Variants in RABGAP1 observed in about 807,000 individuals in gnomAD.
The protein encoded by RABGAP1 is rab GTPase-activating protein 1.
A neutral mutation model predicts 137.6 loss-of-function variants in RABGAP1; 23 were observed. That is an observed-to-expected ratio of 0.17 (90% CI 0.12 to 0.24). The LOEUF (loss-of-function observed/expected upper bound fraction) is 0.24. Ranked by LOEUF, RABGAP1 falls within the 10% of genes least tolerant of loss-of-function variation. RABGAP1 has a pLI of 1.00. For synonymous variants in RABGAP1, 451 were observed against 450.7 expected (o/e 1.00, Z -0.01); for missense variants, 906 against 1,275.8 (o/e 0.71, Z 4.42).
intron 12 of RABGAP1, among the ~76,000 whole-genome samples, chr9:123,016,137 G>A (rs2031209182): frequency 1.3e-5 from 2 of 152,098 alleles, no homozygotes; most frequent in Admixed American, 1.3e-4. Context: ...CAAATTTTAG[G>A]AATTTCTCAT....
chr9:122,940,887 C>T (rs1177983816), upstream of RABGAP1: 1 of 152,398 alleles, frequency 6.6e-6, no homozygotes, highest in African/African-American at 2.4e-5. Flanking sequence ...GAAGCTCCGC[C>T]TCGCTTCCCG....
intron 9 of RABGAP1, among the ~76,000 whole-genome samples, chr9:122,998,091 A>T (rs1837130439): frequency 6.6e-6 from 1 of 151,148 alleles, no homozygotes; most frequent in Non-Finnish European, 1.5e-5. Context: ...TATTTTTTTT[A>T]TTTTATTTAT....
chr9:123,034,851 A>T lies in RABGAP1; in HGVS notation c.1794+14392A>T, dbSNP rs755301688. 3 of 1,614,006 alleles carry T rather than the reference A, an allele frequency of 1.9e-6. No homozygotes were observed. In the South Asian group the frequency reaches 3.3e-5, roughly 18 times the overall value. ...TATCACTCCTCCATCACCCCCTTCCAGTAGAGGAGTCCTTGACTTGCCAGA... is the reference window on the plus strand; with the variant it reads ...TATCACTCCTCCATCACCCCCTTCCTGTAGAGGAGTCCTTGACTTGCCAGA... On this transcript the variant is annotated intron_variant, in intron 13 of 25. Coordinates refer to ENST00000373647, the MANE Select transcript of RABGAP1 (RefSeq NM_012197.4).
rs150100859 is a variant in RABGAP1 at position 123,098,773 on chromosome 9, G to T, written c.2792G>T (p.Ser931Ile). Residue 931 changes from serine to isoleucine, a missense_variant, in exon 23 of 26, where the codon AGT becomes ATT. Physicochemically the swap from Ser to Ile is moderately radical, Grantham distance 142. Transcript: ENST00000373647. ...GCAGAATCTGAGATTAAAAAAAACA[G>T]TTCTATCATTGGTGACTATAAGCAG... ...DKAESEIKKNSSIIGDYKQIC... is the reference protein window; with the variant it reads ...DKAESEIKKNISIIGDYKQIC... The T allele has an allele frequency of 1.2e-6, 2 of 1,613,722 alleles. No homozygotes were observed. The highest frequency in any genetic ancestry group is 1.6e-4 in the Middle Eastern group (1 of 6,084).
intron 13 of RABGAP1, among the ~76,000 whole-genome samples, chr9:123,027,546 C>A (rs2032049087): frequency 6.6e-6 from 1 of 152,138 alleles, no homozygotes. Context: ...TAATTAACAA[C>A]TTCTGTCTGG....
chr9:122,999,412 G>A (rs1167686679), intron 10 of RABGAP1, among the ~76,000 whole-genome samples: 3 of 151,650 alleles, frequency 2.0e-5, no homozygotes, highest in Non-Finnish European at 4.4e-5. Context: ...GCTGGTCTCG[G>A]ACTCCTCACC....
intron 10 of RABGAP1, among the ~76,000 whole-genome samples, chr9:123,008,758 A>T (rs1413595715): frequency 1.3e-5 from 2 of 152,122 alleles, no homozygotes; most frequent in African/African-American, 4.8e-5. Flanking sequence ...TGAGAGAACC[A>T]GAAAGGTAGC....
intron 11 of RABGAP1, among the ~76,000 whole-genome samples, chr9:123,012,491 A>C (rs545283373): frequency 1.4e-4 from 22 of 152,364 alleles, no homozygotes; most frequent in Non-Finnish European, 2.6e-4. Flanking sequence ...TCTGGGCCCG[A>C]CTAAAGGTTC....
chr9:123,036,035 A>G (rs2032639250), intron 13 of RABGAP1, among the ~76,000 whole-genome samples: 1 of 152,202 alleles, frequency 6.6e-6, no homozygotes, highest in African/African-American at 2.4e-5. Flanking sequence ...TGGGCTTCAT[A>G]TGCAATTGAT....
intron 2 of RABGAP1, among the ~76,000 whole-genome samples, chr9:122,979,416 A>G (rs900198273): frequency 1.3e-5 from 2 of 152,158 alleles, no homozygotes; most frequent in African/African-American, 4.8e-5. Context: ...TGTTTTCTCC[A>G]GGTCTGGCTT....
chr9:123,014,803 G>C (rs1464594313), intron 11 of RABGAP1, among the ~76,000 whole-genome samples: 1 of 151,996 alleles, frequency 6.6e-6, no homozygotes, highest in African/African-American at 2.4e-5. Flanking sequence ...GAGACCTCAG[G>C]AAACTTAGAA....
intron 13 of RABGAP1, chr9:123,029,406 C>G: frequency 6.7e-7 from 1 of 1,503,532 alleles, no homozygotes; most frequent in Non-Finnish European, 9.2e-7. Flanking sequence ...GCTGGAGCAT[C>G]TCTGCCCTTG....
At chr9:123,066,327 C>G (rs898377551) in intron 14 of RABGAP1, among the ~76,000 whole-genome samples, 1 of 152,126 alleles carries the variant, frequency 6.6e-6, no homozygotes, top group African/African-American at 2.4e-5. Context: ...TCTGATCATC[C>G]TTTTTAGCCC....
In RABGAP1 at chr9:123,098,711, G is replaced by GACA. The variant is rs780089151; in HGVS notation, c.2734-4_2734-3insACA. The GACA allele has an allele frequency of 1.9e-6, 3 of 1,609,764 alleles. No individual in the cohort carries two copies. Among genetic ancestry groups the GACA allele is most frequent in the Non-Finnish European group, 2.5e-6 (3 of 1,178,198 alleles). On this transcript the variant is annotated splice_region_variant and splice_polypyrimidine_tract_variant and intron_variant, in intron 22 of 25. Transcript: ENST00000373647. The stretch of plus-strand genomic sequence containing the variant: ...TAGTCCCTTTTGTTTTTTTATGTGT[G>GACA]CAGTTAAAAGAAATGTGCCGTCGGG...
intron 10 of RABGAP1, among the ~76,000 whole-genome samples, chr9:123,000,375 ACC>A (rs1837255490): frequency 6.6e-6 from 1 of 151,928 alleles, no homozygotes; most frequent in Non-Finnish European, 1.5e-5. Context: ...CAGTTGTTCT[ACC>A]ACCTACTGCT....
At chr9:123,082,062 C>T (rs2034726427) in intron 19 of RABGAP1, among the ~76,000 whole-genome samples, 1 of 151,808 alleles carries the variant, frequency 6.6e-6, no homozygotes, top group Admixed American at 6.6e-5. Context: ...TTCTCGGTGC[C>T]CTTGGAAATT....
upstream of RABGAP1, among the ~76,000 whole-genome samples, chr9:122,936,513 A>C (rs936531837): frequency 6.6e-6 from 1 of 152,206 alleles, no homozygotes; most frequent in Non-Finnish European, 1.5e-5. Context: ...TGTCAGCTTT[A>C]GTGTGATACC....
chr9:123,066,605 C>G (rs375626968), intron 14 of RABGAP1, among the ~76,000 whole-genome samples: 1 of 152,188 alleles, frequency 6.6e-6, no homozygotes, highest in African/African-American at 2.4e-5. Context: ...TGCCCCTAAA[C>G]CAGAGGCCTT....
At chr9:122,936,619 G>T (rs1419232782), upstream of RABGAP1, among the ~76,000 whole-genome samples, 2 of 152,166 alleles carry the variant, frequency 1.3e-5, no homozygotes. Flanking sequence ...TACGAACTTT[G>T]TCCTCCAAAT....
Sources: allele counts gnomAD v4.1 joint callset (sites outside exome capture counted in the v4.1 genomes callset), GRCh38; gene constraint gnomAD v4.1.1; transcripts MANE v1.5; gene names NCBI Gene and HGNC (gene_info 2026-07-23, HGNC 2026-07-21).